Variants in GPC5 observed in about 807,000 individuals in gnomAD.
GPC5 encodes the protein glypican 5.
GPC5 carries 47 observed loss-of-function variants against 53.9 expected under a neutral mutation model. The ratio of observed to expected loss-of-function variants is 0.87; its 90% confidence interval spans 0.69 to 1.11. The LOEUF (loss-of-function observed/expected upper bound fraction) is 1.11, where lower values mean the gene tolerates loss of function less well. GPC5 is among the 50% of genes most tolerant of loss of function. The pLI is 0.00. For synonymous variants in GPC5, 286 were observed against 263.3 expected, an observed-to-expected ratio of 1.09 and a Z score of -0.84; for missense variants, 748 against 713.1, an observed-to-expected ratio of 1.05 and a Z score of -0.56.
At chr13:92,622,743 G>A (rs1177094285) in intron 7 of GPC5, among the ~76,000 whole-genome samples, 1 of 151,938 alleles carries the variant, frequency 6.6e-6, no homozygotes, top group African/African-American at 2.4e-5. Flanking sequence ...ACTAATCCAC[G>A]ATAATATGCC....
intron 7 of GPC5, among the ~76,000 whole-genome samples, chr13:92,291,418 T>G (rs2042994762): frequency 6.6e-6 from 1 of 152,166 alleles, no homozygotes; most frequent in African/African-American, 2.4e-5. Flanking sequence ...ATCAGCACCC[T>G]GTGTCTAGCT....
intron 6 of GPC5, among the ~76,000 whole-genome samples, chr13:92,055,272 T>A (rs1212488944): frequency 6.6e-6 from 1 of 152,188 alleles, no homozygotes; most frequent in Non-Finnish European, 1.5e-5. Context: ...CAGATGGAGT[T>A]CTGAATTAAG....
intron 7 of GPC5, among the ~76,000 whole-genome samples, chr13:92,585,605 C>T (rs1425955758): frequency 3.9e-5 from 6 of 152,138 alleles, no homozygotes; most frequent in Admixed American, 1.3e-4. Flanking sequence ...TTTCTGGGAC[C>T]GTTGGGAAGG....
At chr13:92,769,910 G>A (rs1875548252) in intron 7 of GPC5, among the ~76,000 whole-genome samples, 1 of 152,084 alleles carries the variant, frequency 6.6e-6, no homozygotes, top group South Asian at 2.1e-4. Context: ...TTTCTAAAAG[G>A]CAGAAGCAGA....
chr13:92,452,636 C>T (rs1878110365), intron 7 of GPC5, among the ~76,000 whole-genome samples: 1 of 152,120 alleles, frequency 6.6e-6, no homozygotes, highest in South Asian at 2.1e-4. Flanking sequence ...GGCGCGATCT[C>T]AGCTCACTGC....
chr13:91,779,377 T>A (rs1243363364), intron 5 of GPC5, among the ~76,000 whole-genome samples: 7 of 152,190 alleles, frequency 4.6e-5, no homozygotes, highest in Non-Finnish European at 1.0e-4. Context: ...TACTTTTGTT[T>A]TGAAACAGGG....
At chr13:91,926,638 T>TA (rs1440730541) in intron 6 of GPC5, among the ~76,000 whole-genome samples, 1 of 152,132 alleles carries the variant, frequency 6.6e-6, no homozygotes, top group African/African-American at 2.4e-5. Context: ...TTAAATCCTC[T>TA]AAGCTACCCC....
intron 7 of GPC5, among the ~76,000 whole-genome samples, chr13:92,615,761 C>T (rs1194726444): frequency 6.6e-6 from 1 of 152,106 alleles, no homozygotes; most frequent in African/African-American, 2.4e-5. Flanking sequence ...ACCAATAAAA[C>T]TTCCCCTACC....
chr13:91,436,202 T>C (rs1470658092), intron 1 of GPC5, among the ~76,000 whole-genome samples: 7 of 152,290 alleles, frequency 4.6e-5, no homozygotes, highest in South Asian at 4.1e-4. Flanking sequence ...TCTGCTCTGA[T>C]CTTAGTTATT....
chr13:92,251,304 C>T (rs1392906560), intron 7 of GPC5, among the ~76,000 whole-genome samples: 2 of 152,008 alleles, frequency 1.3e-5, no homozygotes, highest in East Asian at 1.9e-4. Flanking sequence ...ATGATGGCAC[C>T]GTTAACATGT....
At chr13:92,338,702 A>G (rs948496424) in intron 7 of GPC5, among the ~76,000 whole-genome samples, 44 of 152,102 alleles carry the variant, frequency 2.9e-4, no homozygotes, top group Non-Finnish European at 6.0e-4. Context: ...TTGTGGTGAC[A>G]GTAAAAAACA....
intron 5 of GPC5, among the ~76,000 whole-genome samples, chr13:91,790,349 AT>A (rs2037945277): frequency 6.6e-6 from 1 of 152,192 alleles, no homozygotes; most frequent in Non-Finnish European, 1.5e-5. Context: ...TCAGAATAGT[AT>A]TTTAGATGTA....
At chr13:92,414,344 A>T (rs568538668) in intron 7 of GPC5, among the ~76,000 whole-genome samples, 1 of 151,972 alleles carries the variant, frequency 6.6e-6, no homozygotes, top group Non-Finnish European at 1.5e-5. Context: ...ATCTCTACTA[A>T]AAATAAAAAA....
chr13:92,070,205 A>T (rs934690294), intron 6 of GPC5, among the ~76,000 whole-genome samples: 3 of 152,164 alleles, frequency 2.0e-5, no homozygotes, highest in Admixed American at 6.6e-5. Context: ...GGAAATGGGG[A>T]CTGCGATACT....
At chr13:91,646,915 A>G (rs1370129323) in intron 2 of GPC5, among the ~76,000 whole-genome samples, 1 of 152,220 alleles carries the variant, frequency 6.6e-6, no homozygotes, top group East Asian at 1.9e-4. Context: ...TCAAGTTATC[A>G]GTCATCATCA....
intron 5 of GPC5, among the ~76,000 whole-genome samples, chr13:91,807,524 C>A (rs2038240868): frequency 6.6e-6 from 1 of 152,088 alleles, no homozygotes; most frequent in African/African-American, 2.4e-5. Flanking sequence ...GAAGTGAGAA[C>A]AATTTTGTTT....
At chr13:91,968,034 T>C (rs556703759) in intron 6 of GPC5, among the ~76,000 whole-genome samples, 7 of 152,252 alleles carry the variant, frequency 4.6e-5, no homozygotes, top group African/African-American at 1.7e-4. Flanking sequence ...TTCATTTGAA[T>C]GAATTATCCC....
intron 3 of GPC5, among the ~76,000 whole-genome samples, chr13:91,713,493 A>T (rs1192833996): frequency 2.0e-5 from 3 of 152,024 alleles, no homozygotes; most frequent in African/African-American, 7.3e-5. Context: ...TCTACCTCTG[A>T]TGATTTCAGG....
chr13:92,086,653 C>A (rs1228813266), intron 6 of GPC5, among the ~76,000 whole-genome samples: 1 of 149,434 alleles, frequency 6.7e-6, no homozygotes, highest in African/African-American at 2.5e-5. Context: ...CTCTCTCTCT[C>A]TTTTTTTTTT....
Sources: gnomAD v4.1 joint callset for allele counts (sites outside exome capture counted in the v4.1 genomes callset) on GRCh38, gnomAD v4.1.1 for gene constraint, MANE v1.5 for transcripts, NCBI Gene and HGNC (gene_info 2026-07-23, HGNC 2026-07-21) for gene names.